HDAC8: variants seen among roughly 807,000 people sequenced by gnomAD.
HDAC8 encodes histone deacetylase 8.
A neutral mutation model predicts 32.2 loss-of-function variants in HDAC8; 1 was observed. That is an observed-to-expected ratio of 0.03 (90% CI 0.01 to 0.15). The LOEUF is 0.15. Ranked by LOEUF, HDAC8 falls within the 10% of genes least tolerant of loss-of-function variation. HDAC8 has a pLI of 1.00. For missense variants in HDAC8, 117 were observed against 300.0 expected, an observed-to-expected ratio of 0.39 and a Z score of 4.51; for synonymous variants, 108 against 113.9, an observed-to-expected ratio of 0.95 and a Z score of 0.33.
chrX:72,549,263 T>G (rs1250513052), intron 4 of HDAC8, among the ~76,000 whole-genome samples: 1 of 110,722 alleles, frequency 9.0e-6, no homozygotes, highest in Non-Finnish European at 1.9e-5. Context: ...TCCACCCCGT[T>G]TTAAACACTG....
At position 72,533,707 on chromosome X, in the gene HDAC8, G is replaced by A. The variant is rs782723446; in HGVS notation, c.437+34182C>T. Among the ~76,000 whole-genome samples the A allele has an allele frequency of 7.2e-5, 8 of 111,559 alleles. No individual in the cohort carries two copies. In the South Asian group the frequency reaches 1.9e-3, roughly 26 times the overall value. On this transcript the variant is annotated intron_variant, in intron 4 of 10. Transcript: ENST00000373573. ...GATTTATCCCAAGAATGCAGGTTTG[G>A]TTTAACATCAAAAAATCAATATAAT...
chrX:72,486,482 T>G (rs2148116577), intron 7 of HDAC8, among the ~76,000 whole-genome samples: 1 of 112,393 alleles, frequency 8.9e-6, no homozygotes, highest in East Asian at 2.8e-4. Context: ...AGAATGGCAC[T>G]GTGAAGCTAC....
intron 9 of HDAC8, among the ~76,000 whole-genome samples, chrX:72,450,466 T>A (rs1480757051): frequency 5.3e-5 from 6 of 112,232 alleles, no homozygotes; most frequent in Admixed American, 2.8e-4. Flanking sequence ...ATTTCCTGGT[T>A]TTTTTACTGC....
At chrX:72,438,235 C>T (rs2047011269) in intron 9 of HDAC8, among the ~76,000 whole-genome samples, 1 of 111,971 alleles carries the variant, frequency 8.9e-6, no homozygotes, top group African/African-American at 3.2e-5. Context: ...AACTCCAGCA[C>T]ACCTGCAGCA....
chrX:72,467,751 T>A (rs781994431), intron 7 of HDAC8: 3 of 385,515 alleles, frequency 7.8e-6, no homozygotes, highest in Middle Eastern at 7.0e-4. Context: ...CCCTGAAGGT[T>A]GATGAGGGCT....
At chrX:72,391,748 C>T in intron 9 of HDAC8, among the ~76,000 whole-genome samples, 1 of 111,366 alleles carries the variant, frequency 9.0e-6, no homozygotes, top group Non-Finnish European at 1.9e-5. Context: ...TGGTGAAATT[C>T]TACCCTCTCT....
intron 9 of HDAC8, among the ~76,000 whole-genome samples, chrX:72,447,981 A>G (rs1388826880): frequency 8.9e-6 from 1 of 112,372 alleles, no homozygotes; most frequent in East Asian, 2.8e-4. Context: ...GATAGGAAGG[A>G]TCAATATTGT....
chrX:72,554,621 C>T (rs1487603335), intron 4 of HDAC8, among the ~76,000 whole-genome samples: 2 of 111,851 alleles, frequency 1.8e-5, no homozygotes, highest in Admixed American at 9.4e-5. Context: ...CTTTCCCTCA[C>T]TTTCCTGGAG....
intron 4 of HDAC8, among the ~76,000 whole-genome samples, chrX:72,512,152 A>C (rs190831089): frequency 9.0e-6 from 1 of 111,728 alleles, no homozygotes; most frequent in East Asian, 2.8e-4. Context: ...GGCCTGGTCA[A>C]ACAAAGCATG....
chrX:72,539,780 A>G (rs970165966), intron 4 of HDAC8, among the ~76,000 whole-genome samples: 2 of 111,398 alleles, frequency 1.8e-5, no homozygotes, highest in African/African-American at 6.5e-5. Context: ...AAATCCAGAC[A>G]CCCAAAATCC....
At chrX:72,471,598 T>C (rs1200208922) in intron 7 of HDAC8, among the ~76,000 whole-genome samples, 1 of 112,588 alleles carries the variant, frequency 8.9e-6, no homozygotes, top group Non-Finnish European at 1.9e-5. Context: ...TTTTTCTGAT[T>C]AGTAATAAAG....
At chrX:72,330,763 A>G (rs1460782229) in intron 10 of HDAC8, 1 of 110,554 alleles carries the variant, frequency 9.0e-6, no homozygotes, top group East Asian at 2.8e-4. Flanking sequence ...CCTACTGGCC[A>G]CTTCTCTGAA....
At chrX:72,346,453 C>T (rs185795302) in intron 10 of HDAC8, among the ~76,000 whole-genome samples, 2 of 112,467 alleles carry the variant, frequency 1.8e-5, no homozygotes, top group Non-Finnish European at 3.8e-5. Flanking sequence ...AAGCCTGGGG[C>T]TCCAGCAGGC....
At chrX:72,572,593 T>C (rs1451233143) in intron 1 of HDAC8, 58 bp downstream of exon 1, 8 of 784,518 alleles carry the variant, frequency 1.0e-5, no homozygotes, top group Middle Eastern at 3.4e-4. Context: ...CGCTCTTTCG[T>C]CCACCGCCCC....
At chrX:72,572,026 T>A in intron 2 of HDAC8, 31 bp downstream of exon 2, 1 of 1,149,401 alleles carries the variant, frequency 8.7e-7, no homozygotes, top group Admixed American at 2.7e-5. Context: ...AACACCTAGC[T>A]TCAGGGCTAT....
intron 9 of HDAC8, among the ~76,000 whole-genome samples, chrX:72,402,085 G>T (rs183878090): frequency 1.3e-3 from 149 of 111,394 alleles, no homozygotes; most frequent in Non-Finnish European, 2.4e-3. Context: ...TTAAGTTTTG[G>T]TATTTAGTGT....
intron 4 of HDAC8, among the ~76,000 whole-genome samples, chrX:72,559,028 GCTTCTCCCCCTCCCCCTCCC>G (rs2051385298): frequency 4.8e-5 from 3 of 62,955 alleles, no homozygotes; most frequent in Admixed American, 3.8e-4. Context: ...AATATACCTA[GCTTCTCCCCCTCCCCCTCCC>G]CCTCCCCCCC....
rs1181728119 is a variant in HDAC8 at position 72,513,630 on chromosome X, G to GT, written c.438-18363dup. ...GACATGAGCCACTGCGCCTGGCCAA[G>GT]TTTTTTTTTAATTTTAAAGATTTTA... is the stretch of plus-strand genomic sequence containing the variant. On this transcript the variant is annotated intron_variant, in intron 4 of 10. Transcript: ENST00000373573. Among the ~76,000 whole-genome samples, 90 of 110,190 alleles carry GT rather than the reference G, an allele frequency of 8.2e-4. 1 individual carries two copies. The highest frequency in any genetic ancestry group is 2.6e-3 in the African/African-American group (78 of 30,359).
At chrX:72,483,195 G>C (rs782475956) in intron 7 of HDAC8, among the ~76,000 whole-genome samples, 2 of 111,722 alleles carry the variant, frequency 1.8e-5, no homozygotes. Context: ...TCCTTCTTGT[G>C]GTTAATGTTT....
Sources: gnomAD v4.1 joint callset for allele counts (sites outside exome capture counted in the v4.1 genomes callset) on GRCh38, gnomAD v4.1.1 for gene constraint, MANE v1.5 for transcripts, NCBI Gene and HGNC (gene_info 2026-07-23, HGNC 2026-07-21) for gene names.